Variants in MTMR8 observed in about 807,000 individuals in gnomAD.
The protein encoded by MTMR8 is phosphatidylinositol-3,5-bisphosphate 3-phosphatase MTMR8.
In MTMR8, 65 loss-of-function variants were observed where a neutral mutation model predicts 39.3. The ratio of observed to expected loss-of-function variants is 1.65; its 90% CI spans 1.35 to 2.03. The LOEUF (loss-of-function observed/expected upper bound fraction) is 2.03. MTMR8 is among the 30% of genes most tolerant of loss of function. The probability of loss-of-function intolerance (pLI) is 0.00; values close to 1 mark genes in which losing one functional copy is unlikely to be tolerated. For missense variants in MTMR8, 777 were observed against 538.9 expected (o/e 1.44, Z -4.37); for synonymous variants, 245 against 185.2 (o/e 1.32, Z -2.62).
chrX:64,323,859 G>C (rs1418515837), intron 12 of MTMR8, among the ~76,000 whole-genome samples: 1 of 112,160 alleles, frequency 8.9e-6, no homozygotes, highest in Non-Finnish European at 1.9e-5. Context: ...AAAATTTCTT[G>C]AGAGAAATGA....
intron 12 of MTMR8, among the ~76,000 whole-genome samples, chrX:64,311,275 C>A (rs140825194): frequency 0.018 from 2,066 of 111,732 alleles, 61 homozygotes; most frequent in African/African-American, 0.065. Context: ...TTTTTCATGT[C>A]TGTTGGCTGC....
chrX:64,285,098 C>T (rs1268994683), intron 12 of MTMR8, among the ~76,000 whole-genome samples: 2 of 111,264 alleles, frequency 1.8e-5, no homozygotes, highest in Admixed American at 1.9e-4. Context: ...CAGAGACACA[C>T]TTAGGCTCAA....
At chrX:64,382,991 G>T (rs1404402323) in intron 1 of MTMR8, among the ~76,000 whole-genome samples, 5 of 110,830 alleles carry the variant, frequency 4.5e-5, no homozygotes, top group Admixed American at 3.9e-4. Context: ...TTTTCCAGGG[G>T]TAGGTTCCAA....
At chrX:64,303,038 G>T (rs1341172602) in intron 12 of MTMR8, among the ~76,000 whole-genome samples, 1 of 112,559 alleles carries the variant, frequency 8.9e-6, no homozygotes. Context: ...CTTAAAGTTT[G>T]CTGTGCGTTA....
intron 1 of MTMR8, among the ~76,000 whole-genome samples, chrX:64,378,882 A>C (rs1278325263): frequency 2.7e-5 from 3 of 112,135 alleles, no homozygotes; most frequent in African/African-American, 9.7e-5. Flanking sequence ...GAAATTGATA[A>C]GATGCTAGCC....
intron 12 of MTMR8, among the ~76,000 whole-genome samples, chrX:64,285,704 A>G (rs1189350897): frequency 8.9e-6 from 1 of 112,124 alleles, no homozygotes; most frequent in African/African-American, 3.2e-5. Context: ...TGGAAACTGA[A>G]CAACCTGCTC....
intron 1 of MTMR8, among the ~76,000 whole-genome samples, chrX:64,394,451 A>T (rs768034472): frequency 3.6e-5 from 4 of 112,020 alleles, no homozygotes; most frequent in African/African-American, 6.5e-5. Flanking sequence ...TGCTCTTTCC[A>T]TTAAAAACAC....
rs150315852 is a variant in MTMR8 at position 64,356,594 on chromosome X, G to C, written c.148-256C>G. Among the ~76,000 whole-genome samples, 251 of 111,073 alleles carry C rather than the reference G, an allele frequency of 2.3e-3. 3 individuals are homozygous for C. Among genetic ancestry groups the C allele is most frequent in the African/African-American group, 7.9e-3 (243 of 30,619 alleles). The stretch of plus-strand genomic sequence containing the variant: ...TTAAGGATACGAGATTACCAAGTTT[G>C]TGGGACAATTTTGGTAGATCAGCTC... On this transcript the variant is annotated intron_variant, in intron 2 of 13. Transcript: ENST00000374852.
chrX:64,301,950 G>A (rs1004461448), intron 12 of MTMR8, among the ~76,000 whole-genome samples: 2 of 112,069 alleles, frequency 1.8e-5, no homozygotes, highest in Non-Finnish European at 3.8e-5. Flanking sequence ...CGTGCTGGGA[G>A]ACCCACTGCT....
Position 64,354,912 on chromosome X carries a change from A to G in MTMR8, c.333T>C (p.Ala111=). ...SQPALPEDLY[A]FSYNPKSSKE... ...TTGAGGATTTGGGATTATAAGAAAA[A>G]GCATAAAGATCTTCAGGTAATGCTG... The change falls in exon 4 of 14, where the codon GCT becomes GCC. Residue 111 remains alanine, a synonymous_variant. Coordinates refer to ENST00000374852, the MANE Select transcript of MTMR8 (RefSeq NM_017677.4). The G allele has an allele frequency of 8.3e-7, 1 of 1,198,686 alleles. No individual in the cohort carries two copies. The highest frequency in any genetic ancestry group is 1.9e-5 in the South Asian group (1 of 53,940).
At chrX:64,308,558 T>A (rs1429214246) in intron 12 of MTMR8, among the ~76,000 whole-genome samples, 1 of 110,798 alleles carries the variant, frequency 9.0e-6, no homozygotes, top group East Asian at 2.8e-4. Flanking sequence ...ATTATAGTTA[T>A]ACCTATATTT....
At chrX:64,291,810 C>T (rs1921406598) in intron 12 of MTMR8, among the ~76,000 whole-genome samples, 1 of 111,487 alleles carries the variant, frequency 9.0e-6, no homozygotes. Context: ...CTATGGTCTC[C>T]CCCATGCCTC....
At chrX:64,369,049 T>A (rs1026818780) in intron 1 of MTMR8, among the ~76,000 whole-genome samples, 2 of 111,867 alleles carry the variant, frequency 1.8e-5, no homozygotes, top group African/African-American at 6.5e-5. Flanking sequence ...GCAAATCGTT[T>A]TAAACCACAA....
intron 12 of MTMR8, among the ~76,000 whole-genome samples, chrX:64,299,848 A>C (rs1026167480): frequency 1.5e-4 from 14 of 91,671 alleles, no homozygotes; most frequent in Non-Finnish European, 2.8e-4. Flanking sequence ...CCCAGTAGTC[A>C]TTCAGGAGCA....
intron 4 of MTMR8, among the ~76,000 whole-genome samples, chrX:64,353,536 C>T (rs1923539099): frequency 8.9e-6 from 1 of 112,019 alleles, no homozygotes; most frequent in Admixed American, 9.4e-5. Flanking sequence ...ACCAAAACCA[C>T]AATGAGATAT....
chrX:64,301,801 G>A (rs1395542180), intron 12 of MTMR8, among the ~76,000 whole-genome samples: 2 of 111,674 alleles, frequency 1.8e-5, no homozygotes, highest in Admixed American at 9.5e-5. Flanking sequence ...TAACAGACAG[G>A]ACCCTCTGTT....
chrX:64,350,150 T>C, intron 4 of MTMR8, 80 bp from the exon 5 acceptor site: 1 of 577,619 alleles, frequency 1.7e-6, no homozygotes. Flanking sequence ...ATACGTATTT[T>C]GGTAACCACT....
At position 64,356,169 on chromosome X, in the gene MTMR8, T is replaced by A. The variant is rs749171397; in HGVS notation, c.310+7A>T. On this transcript the variant is annotated splice_region_variant and intron_variant, in intron 3 of 13. Coordinates refer to ENST00000374852, the MANE Select transcript of MTMR8 (RefSeq NM_017677.4). ...ATGGTTTTAGATAAAAATACTATCA[T>A]AACTACCTGGCTGAGAAAGCTTGAG... The A allele has an allele frequency of 6.7e-6, 8 of 1,196,729 alleles. No homozygotes were observed. Among genetic ancestry groups the A allele is most frequent in the South Asian group, 3.7e-5 (2 of 54,539 alleles).
chrX:64,294,755 T>A lies in MTMR8; in HGVS notation c.1482-23682A>T, dbSNP rs193052979. ...CTCACATGACAGAAGGAGAAAACAA[T>A]GTCTCTGGGGTCTCATTTATAAGGG... is the stretch of plus-strand genomic sequence containing the variant. On this transcript the variant is annotated intron_variant, in intron 12 of 13. Transcript: ENST00000374852. 6.0e-4 allele frequency among the ~76,000 whole-genome samples: 67 copies of A among 111,623 alleles called. No homozygotes were observed. The East Asian group carries it at 9.4e-3, about 16-fold the overall frequency.
Sources: gnomAD v4.1 joint callset for allele counts (sites outside exome capture counted in the v4.1 genomes callset) on GRCh38, gnomAD v4.1.1 for gene constraint, MANE v1.5 for transcripts, NCBI Gene and HGNC (gene_info 2026-07-23, HGNC 2026-07-21) for gene names.